The following CBLN2 variants were observed in gnomAD, a reference collection of about 807,000 sequenced individuals.
CBLN2 encodes the protein cerebellin 2 precursor.
CBLN2 carries 7 observed loss-of-function variants against 15.0 expected under a neutral mutation model. The ratio of observed to expected loss-of-function variants is 0.47; its 90% CI spans 0.27 to 0.88. CBLN2 has a LOEUF of 0.88. CBLN2 is among the 40% of genes least tolerant of loss of function. CBLN2 has a pLI of 0.14. For missense variants in CBLN2, 242 were observed against 304.5 expected, an observed-to-expected ratio of 0.79 and a Z score of 1.53; for synonymous variants, 149 against 135.2, an observed-to-expected ratio of 1.10 and a Z score of -0.71.
chr18:72,541,943 G>A lies in CBLN2; in HGVS notation c.218C>T (p.Ser73Leu). Residue 73 changes from serine to leucine, a missense_variant, in exon 3 of 5, where the codon TCG becomes TTG. Physicochemically the swap from Ser to Leu is moderately radical, Grantham distance 145. Coordinates refer to ENST00000269503, the MANE Select transcript of CBLN2 (RefSeq NM_182511.4). ...KCLVVCDSSP[S>L]ADGAVTSSLG... ...GGAGGAGGTGACGGCGCCGTCCGCC[G>A]ACGGGCTGGAGTCGCACACCACCAG... 2 of 1,607,756 alleles carry A rather than the reference G, an allele frequency of 1.2e-6. No homozygotes were observed. The highest frequency in any genetic ancestry group is 1.7e-6 in the Non-Finnish European group (2 of 1,179,482).
chr18:72,632,917 A>G (rs1407831344), intron 1 of CBLN2, among the ~76,000 whole-genome samples: 3 of 152,230 alleles, frequency 2.0e-5, no homozygotes, highest in Non-Finnish European at 4.4e-5. Flanking sequence ...CCTGGTAATT[A>G]GTACAGTGCT....
intron 1 of CBLN2, among the ~76,000 whole-genome samples, chr18:72,551,624 T>C (rs2069192798): frequency 6.6e-6 from 1 of 152,188 alleles, no homozygotes; most frequent in African/African-American, 2.4e-5. Flanking sequence ...TGTGTGGGTC[T>C]CTGTGTGTAT....
chr18:72,616,799 T>C (rs926049119), intron 1 of CBLN2, among the ~76,000 whole-genome samples: 1 of 152,144 alleles, frequency 6.6e-6, no homozygotes, highest in African/African-American at 2.4e-5. Flanking sequence ...CTCCTTAATA[T>C]AGAGCAATTC....
intron 1 of CBLN2, among the ~76,000 whole-genome samples, chr18:72,635,278 G>T (rs893589865): frequency 6.6e-6 from 1 of 151,958 alleles, no homozygotes; most frequent in Admixed American, 6.6e-5. Flanking sequence ...TATTTTTTTC[G>T]ACAATGTACT....
upstream of CBLN2, among the ~76,000 whole-genome samples, chr18:72,547,902 A>T (rs559459237): frequency 6.6e-6 from 1 of 152,372 alleles, no homozygotes; most frequent in East Asian, 1.9e-4. Context: ...TCAGCTTTCC[A>T]AAATATGTTT....
chr18:72,609,143 G>A (rs1013203693), intron 1 of CBLN2, among the ~76,000 whole-genome samples: 6 of 152,014 alleles, frequency 3.9e-5, no homozygotes, highest in South Asian at 2.1e-4. Context: ...AGGCCAATAA[G>A]GTAAATTTGA....
At chr18:72,544,559 G>A (rs2069144756), upstream of CBLN2, 1 of 152,240 alleles carries the variant, frequency 6.6e-6, no homozygotes, top group Admixed American at 6.5e-5. Flanking sequence ...CTGGCCGCAA[G>A]GCTGAGGTTT....
upstream of CBLN2, chr18:72,544,486 G>A (rs1175553834): frequency 6.6e-6 from 1 of 152,236 alleles, no homozygotes; most frequent in East Asian, 1.9e-4. Flanking sequence ...GCCACCTGCG[G>A]GTGCCCGGGC....
At chr18:72,558,781 A>C (rs2069242001) in intron 1 of CBLN2, among the ~76,000 whole-genome samples, 1 of 152,182 alleles carries the variant, frequency 6.6e-6, no homozygotes, top group Non-Finnish European at 1.5e-5. Context: ...GAGGCCAGGC[A>C]TGGTGCCTCA....
At chr18:72,558,412 C>G (rs1030017829) in intron 1 of CBLN2, among the ~76,000 whole-genome samples, 3 of 152,172 alleles carry the variant, frequency 2.0e-5, no homozygotes, top group Non-Finnish European at 4.4e-5. Flanking sequence ...TGCGCCTTTT[C>G]CCATTGCTGA....
intron 1 of CBLN2, among the ~76,000 whole-genome samples, chr18:72,614,074 C>T (rs996228624): frequency 6.6e-6 from 1 of 152,128 alleles, no homozygotes; most frequent in Non-Finnish European, 1.5e-5. Flanking sequence ...TTTAATAGCC[C>T]TTGGTACAAC....
chr18:72,562,498 A>G (rs539880710), intron 1 of CBLN2, among the ~76,000 whole-genome samples: 10 of 152,324 alleles, frequency 6.6e-5, no homozygotes, highest in Non-Finnish European at 1.0e-4. Flanking sequence ...ATTTCTCAGT[A>G]TATCATTTGT....
intron 1 of CBLN2, among the ~76,000 whole-genome samples, chr18:72,597,024 A>G (rs2069518019): frequency 1.3e-5 from 2 of 152,150 alleles, no homozygotes; most frequent in East Asian, 1.9e-4. Context: ...CTTTCTCTCT[A>G]TCTCTACTTT....
chr18:72,618,621 T>C, intron 1 of CBLN2: 1 of 967,198 alleles, frequency 1.0e-6, no homozygotes, highest in East Asian at 2.7e-5. Context: ...CTGAAGAACA[T>C]CACCTAAGAG....
At chr18:72,615,132 T>TTTATATATTTTAGAAAATATATATAAA (rs1378200613) in intron 1 of CBLN2, among the ~76,000 whole-genome samples, 18 of 87,282 alleles carry the variant, frequency 2.1e-4, no homozygotes, top group South Asian at 1.7e-3. Context: ...TATAAATATA[T>TTTATATATTTTAGAAAATATATATAAA]TATATAAATA....
rs1161836223 is a variant in CBLN2 at position 72,543,816 on chromosome 18, G to C, written c.-212+161C>G. On this transcript the variant is annotated intron_variant, in intron 1 of 4. Coordinates refer to ENST00000269503, the MANE Select transcript of CBLN2 (RefSeq NM_182511.4). The surrounding 1 kb of genome is among the most constrained non-coding windows in gnomAD (Gnocchi z 6.8). ...GCTGCCTGGGGCCCCTCGAGCTCCC[G>C]CGCTCAGCGCGTCCGCAGCGCGGCT... Among the ~76,000 whole-genome samples the C allele has an allele frequency of 6.6e-6, 1 of 151,778 alleles. No homozygotes were observed. Among genetic ancestry groups the C allele is most frequent in the Non-Finnish European group, 1.5e-5 (1 of 67,932 alleles).
chr18:72,540,582 C>A (rs764063101), intron 3 of CBLN2, among the ~76,000 whole-genome samples: 11 of 151,990 alleles, frequency 7.2e-5, no homozygotes, highest in Non-Finnish European at 1.3e-4. Context: ...TTCCCAAATG[C>A]CTATTCCATT....
intron 1 of CBLN2, among the ~76,000 whole-genome samples, chr18:72,581,002 A>G (rs1477205997): frequency 2.0e-5 from 3 of 152,114 alleles, no homozygotes; most frequent in Non-Finnish European, 4.4e-5. Context: ...CCCACCCTTG[A>G]TATCTGACCA....
chr18:72,544,525 A>C (rs1324770897), upstream of CBLN2: 1 of 152,156 alleles, frequency 6.6e-6, no homozygotes, highest in African/African-American at 2.4e-5. Flanking sequence ...GGACCGGCGG[A>C]CTCCGACAGA....
Sources: allele counts gnomAD v4.1 joint callset (sites outside exome capture counted in the v4.1 genomes callset), GRCh38; gene constraint gnomAD v4.1.1; non-coding constraint Gnocchi (gnomAD v3.1); transcripts MANE v1.5; gene names NCBI Gene and HGNC (gene_info 2026-07-23, HGNC 2026-07-21).